Variants in WDR20 observed in about 807,000 individuals in gnomAD.
The protein encoded by WDR20 is WD repeat domain 20.
A neutral mutation model predicts 38.7 loss-of-function variants in WDR20; 3 were observed. That is an observed-to-expected ratio of 0.08 (90% CI 0.04 to 0.20). WDR20 has a LOEUF of 0.20. WDR20 is among the 10% of genes least tolerant of loss of function. The probability of loss-of-function intolerance (pLI) is 1.00; values close to 1 mark genes in which losing one functional copy is unlikely to be tolerated. For synonymous variants in WDR20, 298 were observed against 285.6 expected, an observed-to-expected ratio of 1.04 and a Z score of -0.44; for missense variants, 559 against 727.7, an observed-to-expected ratio of 0.77 and a Z score of 2.67.
Position 102,186,500 on chromosome 14 carries a change from T to C in WDR20, c.250-8438T>C, listed in dbSNP as rs1385793705. The stretch of plus-strand genomic sequence containing the variant: ...TTCAAAAGGTGAATATCAGCTCTGA[T>C]TGGCCAAGGTCTCTTTTCATCTTCA... On this transcript the variant is annotated intron_variant, in intron 1 of 2. Transcript: ENST00000342702. Among the ~76,000 whole-genome samples the C allele has an allele frequency of 3.3e-5, 5 of 152,154 alleles. No homozygotes were observed. The South Asian group carries it at 6.2e-4, about 19-fold the overall frequency.
chr14:102,185,562 C>G (rs1332762470), intron 1 of WDR20, among the ~76,000 whole-genome samples: 1 of 152,080 alleles, frequency 6.6e-6, no homozygotes, highest in East Asian at 1.9e-4. Flanking sequence ...GCGGCTGATT[C>G]TATTTTCTTG....
At chr14:102,143,457 T>C (rs1198704511) in intron 1 of WDR20, among the ~76,000 whole-genome samples, 4 of 147,724 alleles carry the variant, frequency 2.7e-5, no homozygotes, top group African/African-American at 1.1e-4. Flanking sequence ...GTGATAGTAA[T>C]AATACCAGGC....
In WDR20 at chr14:102,209,283, C is replaced by A. The variant is rs778281853; in HGVS notation, c.1113C>A (p.Ser371=). ...RPVSVTYRFG[S]VGQDTQLCLW... Reference sequence around the variant, plus strand: ...TAAGTGTCACGTATCGGTTTGGTTCCGTGGGCCAGGACACACAGCTCTGTT... The same window carrying A: ...TAAGTGTCACGTATCGGTTTGGTTCAGTGGGCCAGGACACACAGCTCTGTT... The change falls in exon 3 of 3, where the codon TCC becomes TCA. Residue 371 remains serine, a synonymous_variant. Coordinates refer to ENST00000342702, the MANE Select transcript of WDR20 (RefSeq NM_144574.4). The surrounding 1 kb of genome is among the most constrained non-coding windows in gnomAD (Gnocchi z 6.0). The A allele has an allele frequency of 9.3e-6, 15 of 1,614,154 alleles. No homozygotes were observed. Among genetic ancestry groups the A allele is most frequent in the Non-Finnish European group, 1.3e-5 (15 of 1,180,036 alleles).
intron 1 of WDR20, among the ~76,000 whole-genome samples, chr14:102,182,024 C>G (rs1029659958): frequency 1.3e-5 from 2 of 152,214 alleles, no homozygotes; most frequent in African/African-American, 2.4e-5. Context: ...TACTTGAAAA[C>G]AAATTTCACT....
At chr14:102,146,640 A>G (rs1001424602) in intron 1 of WDR20, among the ~76,000 whole-genome samples, 1 of 152,196 alleles carries the variant, frequency 6.6e-6, no homozygotes, top group East Asian at 1.9e-4. Flanking sequence ...CTCTTTGTCA[A>G]AAACTGCAGG....
intron 1 of WDR20, among the ~76,000 whole-genome samples, chr14:102,186,109 T>C (rs1350308488): frequency 6.6e-6 from 1 of 152,244 alleles, no homozygotes; most frequent in Non-Finnish European, 1.5e-5. Context: ...TGACTTCTTA[T>C]GTTTCTGACA....
chr14:102,189,788 A>C (rs892774224), intron 1 of WDR20, among the ~76,000 whole-genome samples: 1 of 152,230 alleles, frequency 6.6e-6, no homozygotes, highest in African/African-American at 2.4e-5. Context: ...GTTCTCCTTA[A>C]AAGAGTTTTT....
At chr14:102,176,850 T>G (rs1317797368) in intron 1 of WDR20, among the ~76,000 whole-genome samples, 1 of 152,014 alleles carries the variant, frequency 6.6e-6, no homozygotes, top group African/African-American at 2.4e-5. Flanking sequence ...TGCCTCAGCC[T>G]CCTGAGTAGC....
intron 1 of WDR20, among the ~76,000 whole-genome samples, chr14:102,166,935 G>A (rs1175375851): frequency 6.6e-6 from 1 of 152,136 alleles, no homozygotes; most frequent in Non-Finnish European, 1.5e-5. Flanking sequence ...TGGTCTCCTG[G>A]TCCACTGTTG....
intron 1 of WDR20, among the ~76,000 whole-genome samples, chr14:102,190,097 G>A (rs1049831703): frequency 1.3e-5 from 2 of 152,166 alleles, no homozygotes; most frequent in Non-Finnish European, 2.9e-5. Flanking sequence ...AGTGAAGGGT[G>A]GAGAGGCAAG....
intron 2 of WDR20, among the ~76,000 whole-genome samples, chr14:102,202,804 T>A (rs953816056): frequency 2.0e-5 from 3 of 152,148 alleles, no homozygotes; most frequent in African/African-American, 7.2e-5. Context: ...AGTACAGTGG[T>A]GTAATCATAA....
chr14:102,146,679 C>T (rs913259033), intron 1 of WDR20, among the ~76,000 whole-genome samples: 1 of 152,098 alleles, frequency 6.6e-6, no homozygotes, highest in African/African-American at 2.4e-5. Context: ...TGGAGGAATT[C>T]CTGCTTTGTG....
intron 1 of WDR20, among the ~76,000 whole-genome samples, chr14:102,148,669 TTGTGTGTGTGTGTGTG>T (rs10525828): frequency 6.2e-5 from 9 of 144,834 alleles, no homozygotes; most frequent in Admixed American, 1.4e-4. Context: ...GAGTTTGGCT[TTGTGTGTGTGTGTGTG>T]TGTGTGTGTG....
At chr14:102,219,120 G>A (rs536097388), downstream of WDR20, among the ~76,000 whole-genome samples, 3 of 152,198 alleles carry the variant, frequency 2.0e-5, no homozygotes, top group South Asian at 2.1e-4. Flanking sequence ...AGCTGCAGCC[G>A]GGATCCTTCC....
chr14:102,175,940 G>GA (rs2061958853), intron 1 of WDR20, among the ~76,000 whole-genome samples: 1 of 152,110 alleles, frequency 6.6e-6, no homozygotes, highest in Non-Finnish European at 1.5e-5. Flanking sequence ...ATCAGATCTA[G>GA]GAGCTTTTGG....
intron 1 of WDR20, among the ~76,000 whole-genome samples, chr14:102,179,710 T>A (rs1307636367): frequency 6.6e-6 from 1 of 152,130 alleles, no homozygotes; most frequent in African/African-American, 2.4e-5. Flanking sequence ...CCTCCCCTCA[T>A]ATTTGTACAT....
At chr14:102,203,056 C>T (rs1046520609) in intron 2 of WDR20, among the ~76,000 whole-genome samples, 1 of 152,160 alleles carries the variant, frequency 6.6e-6, no homozygotes, top group Non-Finnish European at 1.5e-5. Flanking sequence ...ATGGCATGGA[C>T]AGTTGTCATA....
At chr14:102,186,898 C>T (rs938692080) in intron 1 of WDR20, among the ~76,000 whole-genome samples, 11 of 151,320 alleles carry the variant, frequency 7.3e-5, no homozygotes, top group Admixed American at 4.6e-4. Flanking sequence ...TGCAGTGAGC[C>T]GAGATCGTGC....
Position 102,221,432 on chromosome 14 carries a change from C to A in WDR20, c.1693-1398C>A, listed in dbSNP as rs762916472. ...AGGCTTCCTTCCTCCAGACTGTCTG[C>A]GGCAGAAGTGGGGTCAGGAACCTGC... On this transcript the variant is annotated intron_variant, in intron 3 of 3. Transcript: ENST00000335263. This position sits in a 1 kb window ranked among gnomAD's most constrained non-coding sequence, Gnocchi z 4.8. Among the ~76,000 whole-genome samples the A allele has an allele frequency of 1.3e-5, 2 of 152,182 alleles. No individual in the cohort carries two copies. Among genetic ancestry groups the A allele is most frequent in the Admixed American group, 1.3e-4 (2 of 15,280 alleles).
Sources: allele counts gnomAD v4.1 joint callset (sites outside exome capture counted in the v4.1 genomes callset), GRCh38; gene constraint gnomAD v4.1.1; non-coding constraint Gnocchi (gnomAD v3.1); transcripts MANE v1.5; gene names NCBI Gene and HGNC (gene_info 2026-07-23, HGNC 2026-07-21).